Variants in HSD17B3 observed in about 807,000 individuals in gnomAD.
HSD17B3 encodes 17-beta-hydroxysteroid dehydrogenase type 3.
HSD17B3 carries 29 observed loss-of-function variants against 41.1 expected under a neutral mutation model. The ratio of observed to expected loss-of-function variants is 0.71; its 90% CI spans 0.53 to 0.96. HSD17B3 has a LOEUF of 0.96. HSD17B3 is among the 40% of genes least tolerant of loss of function. The pLI, the probability that HSD17B3 is intolerant of heterozygous loss-of-function variation, is 0.00. For missense variants in HSD17B3, 323 were observed against 374.6 expected, an observed-to-expected ratio of 0.86 and a Z score of 1.14; for synonymous variants, 126 against 145.6, an observed-to-expected ratio of 0.87 and a Z score of 0.97.
intron 2 of HSD17B3, among the ~76,000 whole-genome samples, chr9:96,270,473 G>A (rs1287688069): frequency 6.6e-6 from 1 of 152,220 alleles, no homozygotes; most frequent in African/African-American, 2.4e-5. Context: ...AAAATATGCT[G>A]AGAGTGCAGA....
At chr9:96,285,027 C>T (rs77868769) in intron 2 of HSD17B3, among the ~76,000 whole-genome samples, 26,673 of 151,712 alleles carry the variant, frequency 0.18, 3,035 homozygotes, top group East Asian at 0.54. Context: ...TTAGTAGAGA[C>T]GGGGTTTCAC....
intron 2 of HSD17B3, among the ~76,000 whole-genome samples, chr9:96,256,591 A>G (rs1357047195): frequency 6.6e-6 from 1 of 152,180 alleles, no homozygotes; most frequent in Non-Finnish European, 1.5e-5. Context: ...GAATCGCTTG[A>G]ACCCAGGAGG....
intron 9 of HSD17B3, among the ~76,000 whole-genome samples, chr9:96,242,868 C>T (rs1260044694): frequency 2.6e-5 from 4 of 152,194 alleles, no homozygotes; most frequent in African/African-American, 9.7e-5. Flanking sequence ...ATTCTTGGTT[C>T]CTTCTTCTTC....
chr9:96,270,729 G>A (rs574380962), intron 2 of HSD17B3, among the ~76,000 whole-genome samples: 2 of 152,336 alleles, frequency 1.3e-5, no homozygotes, highest in East Asian at 1.9e-4. Flanking sequence ...CTGGAGGTGG[G>A]CAGGCCACCC....
intron 2 of HSD17B3, among the ~76,000 whole-genome samples, chr9:96,290,412 A>AG (rs1165426415): frequency 7.3e-6 from 1 of 137,618 alleles, no homozygotes; most frequent in East Asian, 2.3e-4. Flanking sequence ...AGGTTCATTT[A>AG]GGGGCCTCGG....
At chr9:96,276,099 C>A (rs1587763667) in intron 2 of HSD17B3, among the ~76,000 whole-genome samples, 4 of 101,812 alleles carry the variant, frequency 3.9e-5, no homozygotes, top group Admixed American at 1.4e-4. Flanking sequence ...GAGTGAGATC[C>A]TGTCTCATAA....
At chr9:96,254,967 A>G (rs1397953783) in intron 2 of HSD17B3, 24 bp from the exon 3 acceptor site, 5 of 1,604,032 alleles carry the variant, frequency 3.1e-6, no homozygotes, top group Non-Finnish European at 3.4e-6. Context: ...TGAAAAACCA[A>G]GAGACAAGGA....
At chr9:96,254,837 A>G (rs560582495) in intron 3 of HSD17B3, 31 bp downstream of exon 3, 30 of 1,593,352 alleles carry the variant, frequency 1.9e-5, no homozygotes, top group Non-Finnish European at 2.6e-5. Flanking sequence ...AGGGCTCCAC[A>G]CACATCTCCC....
At chr9:96,245,502 C>A (rs1836626340) in intron 7 of HSD17B3, 76 bp from the exon 8 acceptor site, 1 of 1,086,840 alleles carries the variant, frequency 9.2e-7, no homozygotes. Flanking sequence ...ACAAAGGGTC[C>A]CGTGTGAACA....
chr9:96,295,512 G>T (rs79736802), intron 2 of HSD17B3, among the ~76,000 whole-genome samples: 1 of 150,420 alleles, frequency 6.6e-6, no homozygotes, highest in African/African-American at 2.5e-5. Context: ...TTTTTGTATT[G>T]TAAGTAGAGA....
chr9:96,235,618 A>T, intron 10 of HSD17B3, 48 bp from the exon 11 acceptor site: 1 of 1,419,900 alleles, frequency 7.0e-7, no homozygotes, highest in Non-Finnish European at 9.8e-7. Flanking sequence ...AATAACAAGT[A>T]CCTCAGTTCA....
intron 10 of HSD17B3, among the ~76,000 whole-genome samples, chr9:96,238,809 AT>A (rs1836324017): frequency 6.6e-6 from 1 of 152,158 alleles, no homozygotes; most frequent in Non-Finnish European, 1.5e-5. Flanking sequence ...CGCATGAAGG[AT>A]GGAGAAGTGT....
At chr9:96,280,393 A>C (rs950491257) in intron 2 of HSD17B3, among the ~76,000 whole-genome samples, 1 of 152,220 alleles carries the variant, frequency 6.6e-6, no homozygotes. Flanking sequence ...ATTACTTATA[A>C]CATCTGTTAG....
intron 2 of HSD17B3, among the ~76,000 whole-genome samples, chr9:96,271,120 A>G (rs111965573): frequency 6.6e-6 from 1 of 152,194 alleles, no homozygotes; most frequent in Non-Finnish European, 1.5e-5. Flanking sequence ...AATTATTTGC[A>G]AAAAGAAAAA....
chr9:96,262,772 G>A (rs1266668151), intron 2 of HSD17B3, among the ~76,000 whole-genome samples: 8 of 152,060 alleles, frequency 5.3e-5, no homozygotes, highest in Non-Finnish European at 1.2e-4. Context: ...TATTTTGTCT[G>A]ATACTAATAT....
intron 2 of HSD17B3, among the ~76,000 whole-genome samples, chr9:96,260,171 T>C (rs141240302): frequency 0.013 from 2,047 of 152,344 alleles, 149 homozygotes; most frequent in Admixed American, 0.12. Context: ...ATTGCTTTTT[T>C]AATAAACTGC....
intron 2 of HSD17B3, among the ~76,000 whole-genome samples, chr9:96,290,581 C>T (rs561946275): frequency 1.1e-4 from 16 of 148,014 alleles, no homozygotes; most frequent in Admixed American, 2.1e-4. Flanking sequence ...CACCTGTAAT[C>T]CCAGCACTTT....
At chr9:96,285,486 G>C (rs1826882550) in intron 2 of HSD17B3, among the ~76,000 whole-genome samples, 1 of 152,156 alleles carries the variant, frequency 6.6e-6, no homozygotes, top group South Asian at 2.1e-4. Flanking sequence ...GAATCAGCTA[G>C]CAACCCCGTA....
chr9:96,238,303 A>C (rs765598629), intron 10 of HSD17B3, among the ~76,000 whole-genome samples: 122 of 152,264 alleles, frequency 8.0e-4, no homozygotes, highest in Non-Finnish European at 1.3e-3. Flanking sequence ...GTCCTCCTGA[A>C]GGTGGAAGGG....
Sources: allele counts gnomAD v4.1 joint callset (sites outside exome capture counted in the v4.1 genomes callset), GRCh38; gene constraint gnomAD v4.1.1; transcripts MANE v1.5; gene names NCBI Gene and HGNC (gene_info 2026-07-23, HGNC 2026-07-21).